The following SMC6 variants were observed in gnomAD, a reference collection of about 807,000 sequenced individuals.
SMC6 encodes the protein structural maintenance of chromosomes protein 6.
Under a neutral mutation model 142.2 loss-of-function variants are expected in SMC6, and 79 were observed. The ratio of observed to expected loss-of-function variants is 0.56; its 90% CI spans 0.46 to 0.67. The LOEUF is 0.67. SMC6 is among the 30% of genes least tolerant of loss of function. The pLI, the probability that SMC6 is intolerant of heterozygous loss-of-function variation, is 0.00. For missense variants in SMC6, 1,072 were observed against 1,284.0 expected (o/e 0.83, Z 2.52); for synonymous variants, 411 against 412.4 (o/e 1.00, Z 0.04).
intron 5 of SMC6, among the ~76,000 whole-genome samples, chr2:17,735,858 C>G (rs1670126204): frequency 6.6e-6 from 1 of 152,076 alleles, no homozygotes; most frequent in Non-Finnish European, 1.5e-5. Context: ...TGAAATATCC[C>G]AAGAAAGGAG....
intron 20 of SMC6, among the ~76,000 whole-genome samples, chr2:17,700,808 G>A (rs974823085): frequency 1.3e-5 from 2 of 151,980 alleles, no homozygotes; most frequent in Non-Finnish European, 2.9e-5. Context: ...GACACGGGTG[G>A]ATCACCTAAG....
chr2:17,730,985 T>A, intron 7 of SMC6, 93 bp downstream of exon 7: 1 of 900,050 alleles, frequency 1.1e-6, no homozygotes. Flanking sequence ...TTTACTCATA[T>A]GAGGCCATTT....
At chr2:17,685,881 T>G (rs1339441828) in intron 23 of SMC6, among the ~76,000 whole-genome samples, 4 of 151,868 alleles carry the variant, frequency 2.6e-5, no homozygotes, top group Non-Finnish European at 5.9e-5. Context: ...TGGCTAATAC[T>G]CCATATATAT....
At position 17,694,613 on chromosome 2, in the gene SMC6, T is replaced by C. The variant is rs79856583; in HGVS notation, c.2678+539A>G. Among the ~76,000 whole-genome samples, 385 of 152,304 alleles carry C rather than the reference T, an allele frequency of 2.5e-3. 1 individual carries two copies. Among genetic ancestry groups the C allele is most frequent in the African/African-American group, 8.9e-3 (371 of 41,564 alleles). ...ATTTAATCTTCAGAACAATCCCCAT[T>C]TTGTGAATGAGAAAATTAAAGTTCA... On this transcript the variant is annotated intron_variant, in intron 23 of 27. Coordinates refer to ENST00000448223, the MANE Select transcript of SMC6 (RefSeq NM_001142286.2).
At chr2:17,692,463 C>A (rs1212370472) in intron 23 of SMC6, among the ~76,000 whole-genome samples, 2 of 152,116 alleles carry the variant, frequency 1.3e-5, no homozygotes, top group Non-Finnish European at 2.9e-5. Context: ...GCGAAGGATT[C>A]CCTATTTAAT....
chr2:17,723,410 C>T (rs759777884), intron 9 of SMC6, among the ~76,000 whole-genome samples: 27 of 152,168 alleles, frequency 1.8e-4, no homozygotes, highest in Non-Finnish European at 3.7e-4. Flanking sequence ...CACAACCTGG[C>T]CTCTCATCTC....
At chr2:17,748,955 G>A (rs774796921) in intron 2 of SMC6, among the ~76,000 whole-genome samples, 1 of 152,166 alleles carries the variant, frequency 6.6e-6, no homozygotes, top group Non-Finnish European at 1.5e-5. Flanking sequence ...TATTTGCTGA[G>A]AATGTTTTTT....
At chr2:17,747,145 C>T (rs1670792812) in intron 2 of SMC6, among the ~76,000 whole-genome samples, 1 of 152,116 alleles carries the variant, frequency 6.6e-6, no homozygotes, top group South Asian at 2.1e-4. Flanking sequence ...TAGATTTCCA[C>T]CCATACAGGA....
chr2:17,672,486 T>G (rs1666806432), intron 25 of SMC6, among the ~76,000 whole-genome samples: 1 of 152,168 alleles, frequency 6.6e-6, no homozygotes. Flanking sequence ...ACAACTCAAT[T>G]TTTACATGAA....
intron 9 of SMC6, among the ~76,000 whole-genome samples, chr2:17,722,078 T>C (rs147441434): frequency 6.6e-6 from 1 of 152,154 alleles, no homozygotes; most frequent in Non-Finnish European, 1.5e-5. Context: ...TTACTTTGTT[T>C]CCCTATCTAA....
rs1667943413 is a variant in SMC6 at position 17,695,443 on chromosome 2, AT to A, written c.2533-147del. 6.1e-6 allele frequency: 4 copies of A among 653,398 alleles called. 1 individual carries two copies. The highest frequency in any genetic ancestry group is 9.9e-6 in the Non-Finnish European group (4 of 405,684). The allele number at this position is 653,398 out of a possible 1,614,324, so 40.5% of individuals were successfully genotyped here. A position where few individuals can be genotyped will look rare whatever the true frequency, so the allele number is the denominator to read the frequency against. ...TACATTTAATATCAATGTTATTTATATTTATCTAAGTTTTATATTGAAGATA... is the reference window on the plus strand; with the variant it reads ...TACATTTAATATCAATGTTATTTATATTATCTAAGTTTTATATTGAAGATA... On this transcript the variant is annotated intron_variant, in intron 22 of 27. Transcript: ENST00000448223.
At chr2:17,694,956 T>G (rs1159060920) in intron 23 of SMC6, among the ~76,000 whole-genome samples, 196 bp downstream of exon 23, 1 of 152,186 alleles carries the variant, frequency 6.6e-6, no homozygotes, top group African/African-American at 2.4e-5. Context: ...AATTCCATAA[T>G]GAGTTTTGTA....
chr2:17,739,517 C>T (rs747658966), intron 4 of SMC6, among the ~76,000 whole-genome samples: 5 of 150,852 alleles, frequency 3.3e-5, no homozygotes, highest in Non-Finnish European at 7.4e-5. Flanking sequence ...TGGTGGTGCA[C>T]ACTTGTAATC....
Position 17,721,146 on chromosome 2 carries a change from G to GC in SMC6, c.841dup (p.Ala281GlyfsTer5). On this transcript the variant is annotated frameshift_variant, in exon 10 of 28. Coordinates refer to ENST00000448223, the MANE Select transcript of SMC6 (RefSeq NM_001142286.2). LOFTEE classifies it high-confidence loss of function. ...AAGTAATTAAGTGATAATTACCACT[G>GC]CCCAAGCCATTTCATGTTTCAAGGA... 2 of 1,611,166 alleles carry GC rather than the reference G, an allele frequency of 1.2e-6. No homozygotes were observed. The highest frequency in any genetic ancestry group is 1.7e-6 in the Non-Finnish European group (2 of 1,179,100).
chr2:17,714,300 C>T (rs1324009024), intron 16 of SMC6, among the ~76,000 whole-genome samples: 1 of 151,908 alleles, frequency 6.6e-6, no homozygotes, highest in East Asian at 1.9e-4. Context: ...CCCCAAGTTG[C>T]CCAGGCTCGT....
chr2:17,716,709 A>G, intron 14 of SMC6, 32 bp downstream of exon 14: 2 of 1,590,504 alleles, frequency 1.3e-6, no homozygotes, highest in South Asian at 2.3e-5. Context: ...AAAGTAATTG[A>G]AAAAAATCAT....
At chr2:17,706,821 C>A (rs758511520) in intron 18 of SMC6, among the ~76,000 whole-genome samples, 1 of 152,138 alleles carries the variant, frequency 6.6e-6, no homozygotes, top group Non-Finnish European at 1.5e-5. Flanking sequence ...AAGTACCAAT[C>A]AGGGACATTA....
At chr2:17,688,207 T>TA (rs1558334837) in intron 23 of SMC6, among the ~76,000 whole-genome samples, 1 of 151,248 alleles carries the variant, frequency 6.6e-6, no homozygotes, top group African/African-American at 2.4e-5. Flanking sequence ...TATCATTCCT[T>TA]AAAAAAAGGA....
At chr2:17,694,847 TTC>T (rs959965684) in intron 23 of SMC6, among the ~76,000 whole-genome samples, 3 of 152,200 alleles carry the variant, frequency 2.0e-5, no homozygotes, top group East Asian at 1.9e-4. Context: ...GAAAAATGGC[TTC>T]TGTTTTGATT....
Sources: allele counts gnomAD v4.1 joint callset (sites outside exome capture counted in the v4.1 genomes callset), GRCh38; gene constraint gnomAD v4.1.1; transcripts MANE v1.5; gene names NCBI Gene and HGNC (gene_info 2026-07-23, HGNC 2026-07-21).